Variants in FAM89A observed in about 807,000 individuals in gnomAD.
FAM89A encodes the protein family with sequence similarity 89 member A.
A neutral mutation model predicts 7.1 loss-of-function variants in FAM89A; 10 were observed. That is an observed-to-expected ratio of 1.40 (90% CI 0.86 to 2.38). FAM89A has a LOEUF of 2.38. Among genes scored for constraint, FAM89A ranks in the 30% most tolerant of loss-of-function variants. The pLI, the probability that FAM89A is intolerant of heterozygous loss-of-function variation, is 0.00. For synonymous variants in FAM89A, 157 were observed against 129.3 expected (o/e 1.21, Z -1.45); for missense variants, 276 against 262.8 (o/e 1.05, Z -0.35).
chr1:231,037,221 A>C (rs979260039), intron 1 of FAM89A, among the ~76,000 whole-genome samples: 4 of 152,196 alleles, frequency 2.6e-5, no homozygotes, highest in Non-Finnish European at 4.4e-5. Context: ...ACAGACTTTG[A>C]GTATCTATCT....
chr1:231,020,817 A>G (rs1224068562), intron 1 of FAM89A, among the ~76,000 whole-genome samples: 2 of 152,208 alleles, frequency 1.3e-5, no homozygotes, highest in Non-Finnish European at 2.9e-5. Context: ...ACAAGCAGCA[A>G]AAGAACACAG....
rs147736691 is a variant in FAM89A at position 231,019,870 on chromosome 1, G to A, written c.548C>T (p.Ser183Phe). 63 of 1,613,796 alleles carry A rather than the reference G, an allele frequency of 3.9e-5. No individual in the cohort carries two copies. In the African/African-American group the frequency reaches 7.1e-4, roughly 18 times the overall value. ...CATCCCTCCCAAGACCCTCTAGATGGACTCCAGAATCCAGTCGCTGCTGGA... is the reference window on the plus strand; with the variant it reads ...CATCCCTCCCAAGACCCTCTAGATGAACTCCAGAATCCAGTCGCTGCTGGA... The part of the protein sequence containing the change: ...SLSSSDWILE[S>F]I Residue 183 changes from serine (S) to phenylalanine (F), a missense_variant, in exon 2 of 2, where the codon TCC (serine) becomes TTC (phenylalanine). Transcript: ENST00000366654.
At chr1:231,022,281 C>T (rs1572353480) in intron 1 of FAM89A, 1 of 728,120 alleles carries the variant, frequency 1.4e-6, no homozygotes, top group East Asian at 2.5e-5. Context: ...TTTTGAAACC[C>T]ACGTCTGATA....
chr1:231,034,397 G>A (rs1323777053), intron 1 of FAM89A, among the ~76,000 whole-genome samples: 1 of 152,214 alleles, frequency 6.6e-6, no homozygotes, highest in Admixed American at 6.5e-5. Flanking sequence ...TGTCAGAACT[G>A]TATCACATAG....
intron 1 of FAM89A, among the ~76,000 whole-genome samples, chr1:231,021,453 G>C (rs1679876597): frequency 6.6e-6 from 1 of 152,240 alleles, no homozygotes; most frequent in Admixed American, 6.5e-5. Flanking sequence ...CTAGCTCCAG[G>C]ACTTTAAAAT....
intron 1 of FAM89A, among the ~76,000 whole-genome samples, chr1:231,032,057 A>C (rs1329637874): frequency 6.6e-6 from 1 of 152,178 alleles, no homozygotes; most frequent in Non-Finnish European, 1.5e-5. Context: ...TTACCAATAA[A>C]GTGATTCAAT....
intron 1 of FAM89A, 81 bp downstream of exon 1, chr1:231,039,840 G>A: frequency 1.6e-6 from 2 of 1,244,592 alleles, no homozygotes; most frequent in South Asian, 5.4e-5. Flanking sequence ...GGGGACTTCC[G>A]GACAGAGCGC....
At chr1:231,029,149 T>C (rs1680025850) in intron 1 of FAM89A, among the ~76,000 whole-genome samples, 1 of 152,194 alleles carries the variant, frequency 6.6e-6, no homozygotes, top group Non-Finnish European at 1.5e-5. Context: ...TTGTGTTGAT[T>C]TAAACCAAAA....
chr1:231,040,008 GC>G lies in FAM89A; in HGVS notation c.203del (p.Gly68AlafsTer158). On this transcript the variant is annotated frameshift_variant, in exon 1 of 2. Coordinates refer to ENST00000366654, the MANE Select transcript of FAM89A (RefSeq NM_198552.3). LOFTEE classifies it high-confidence loss of function. The stretch of plus-strand genomic sequence containing the variant: ...CCGCCCGGGCCCCGCCGCCGCCCGG[GC>G]CCCCGCGGCTCAGCTCGTCCTGGAT... ...SRIQDELSRG[G>X]PGGGGARAAA... 2 of 1,414,032 alleles carry G rather than the reference GC, an allele frequency of 1.4e-6. No homozygotes were observed. The highest frequency in any genetic ancestry group is 9.2e-7 in the Non-Finnish European group (1 of 1,087,888). The allele number at this position is 1,414,032 out of a possible 1,614,324, so 87.6% of individuals were successfully genotyped here.
At chr1:231,034,814 G>A (rs1680133542) in intron 1 of FAM89A, among the ~76,000 whole-genome samples, 1 of 148,320 alleles carries the variant, frequency 6.7e-6, no homozygotes, top group African/African-American at 2.5e-5. Flanking sequence ...CCTTCTCCCA[G>A]CTACTGATTC....
intron 1 of FAM89A, among the ~76,000 whole-genome samples, chr1:231,032,266 T>A (rs1228285095): frequency 6.6e-6 from 1 of 152,138 alleles, no homozygotes; most frequent in Non-Finnish European, 1.5e-5. Context: ...TCAGAGTTTT[T>A]AAAAAATGCA....
At position 231,019,983 on chromosome 1, in the gene FAM89A, CTCT is replaced by C. The variant is rs1326418497; in HGVS notation, c.432_434del (p.Glu147del). ...AGTTCTGCTCCTGGAAATATTCCTC[CTCT>C]TCATCGAAGAAGCCGTTCTCCAGAG... On this transcript the variant is annotated inframe_deletion, in exon 2 of 2. Transcript: ENST00000366654. The C allele has an allele frequency of 6.2e-7, 1 of 1,614,042 alleles. No individual in the cohort carries two copies. Among genetic ancestry groups the C allele is most frequent in the African/African-American group, 1.3e-5 (1 of 74,910 alleles).
intron 1 of FAM89A, among the ~76,000 whole-genome samples, chr1:231,032,787 G>T (rs932432745): frequency 1.9e-4 from 29 of 152,174 alleles, no homozygotes; most frequent in African/African-American, 7.0e-4. Context: ...TCTCCTGGCT[G>T]GGACAGGCCT....
intron 1 of FAM89A, among the ~76,000 whole-genome samples, chr1:231,025,458 AAGAC>A (rs1189469069): frequency 1.3e-5 from 2 of 152,152 alleles, no homozygotes; most frequent in Non-Finnish European, 2.9e-5. Flanking sequence ...CTGCAAGCGA[AAGAC>A]AGACAGTTTC....
intron 1 of FAM89A, among the ~76,000 whole-genome samples, chr1:231,037,236 G>A (rs369536898): frequency 6.6e-6 from 1 of 152,128 alleles, no homozygotes; most frequent in Admixed American, 6.5e-5. Context: ...CTATCTCATG[G>A]AGAATTTATA....
At chr1:231,021,909 T>C (rs1175103194) in intron 1 of FAM89A, 17 of 1,542,790 alleles carry the variant, frequency 1.1e-5, no homozygotes, top group East Asian at 4.5e-5. Context: ...GATGAGTTGT[T>C]GTCCAGGGAC....
chr1:231,019,781 T>C lies in FAM89A; in HGVS notation c.*82A>G. On this transcript the variant is annotated 3_prime_UTR_variant, in exon 2 of 2. Transcript: ENST00000366654. Reference sequence around the variant, plus strand: ...CGAGGACCGTCCACAACGGAGGTGCTTTCTTGCAAGAGAAGCAGCAAATGA... The same window carrying C: ...CGAGGACCGTCCACAACGGAGGTGCCTTCTTGCAAGAGAAGCAGCAAATGA... 1.3e-6 allele frequency: 2 copies of C among 1,507,480 alleles called. No homozygotes were observed. Among genetic ancestry groups the C allele is most frequent in the Non-Finnish European group, 1.8e-6 (2 of 1,110,878 alleles). The allele number at this position is 1,507,480 out of a possible 1,614,324, so 93.4% of individuals were successfully genotyped here. A position where few individuals can be genotyped will look rare whatever the true frequency, so the allele number is the denominator to read the frequency against.
intron 1 of FAM89A, among the ~76,000 whole-genome samples, chr1:231,037,547 C>T (rs900400116): frequency 9.2e-5 from 14 of 152,174 alleles, no homozygotes; most frequent in Non-Finnish European, 1.9e-4. Context: ...CTCTCATCTT[C>T]CTGTTGAGCC....
chr1:231,021,827 A>G (rs1035447694), intron 1 of FAM89A: 1 of 1,600,568 alleles, frequency 6.2e-7, no homozygotes, highest in African/African-American at 1.3e-5. Flanking sequence ...TGTTGACAAA[A>G]GAAGAAGACC....
Sources: gnomAD v4.1 joint callset for allele counts (sites outside exome capture counted in the v4.1 genomes callset) on GRCh38, gnomAD v4.1.1 for gene constraint, MANE v1.5 for transcripts, NCBI Gene and HGNC (gene_info 2026-07-23, HGNC 2026-07-21) for gene names.